The following IL1RAPL1 variants were observed in gnomAD, a reference collection of about 807,000 sequenced individuals.
The protein encoded by IL1RAPL1 is interleukin 1 receptor accessory protein like 1, also known as interleukin-1 receptor accessory protein-like 1.
IL1RAPL1 carries 3 observed loss-of-function variants against 48.4 expected under a neutral mutation model. That is an observed-to-expected ratio of 0.06 (90% CI 0.03 to 0.16). IL1RAPL1 has a LOEUF of 0.16. Ranked by LOEUF, IL1RAPL1 falls within the 10% of genes least tolerant of loss-of-function variation. The pLI, the probability that IL1RAPL1 is intolerant of heterozygous loss-of-function variation, is 1.00. For missense variants in IL1RAPL1, 349 were observed against 530.6 expected (o/e 0.66, Z 3.36); for synonymous variants, 185 against 187.7 (o/e 0.99, Z 0.12).
chrX:28,693,369 CAGA>C (rs1373275442), intron 1 of IL1RAPL1, among the ~76,000 whole-genome samples: 1 of 112,520 alleles, frequency 8.9e-6, no homozygotes, highest in Non-Finnish European at 1.9e-5. Context: ...TGCCATTCAA[CAGA>C]AGATCAACAG....
At chrX:29,891,410 A>G (rs906716205) in intron 6 of IL1RAPL1, among the ~76,000 whole-genome samples, 1 of 111,592 alleles carries the variant, frequency 9.0e-6, no homozygotes, top group Non-Finnish European at 1.9e-5. Flanking sequence ...GGTGGTCACT[A>G]TTAGTCTTCA....
intron 6 of IL1RAPL1, among the ~76,000 whole-genome samples, chrX:29,749,695 CT>C (rs941376641): frequency 4.7e-5 from 4 of 85,480 alleles, no homozygotes; most frequent in Admixed American, 4.6e-4. Flanking sequence ...GCCAGACTTT[CT>C]TTGTCAAAAA....
chrX:28,781,295 T>TA (rs1389040373), intron 1 of IL1RAPL1, among the ~76,000 whole-genome samples: 4 of 107,884 alleles, frequency 3.7e-5, no homozygotes, highest in African/African-American at 1.4e-4. Context: ...GTTTTTTTTT[T>TA]ATTTATTTTT....
At chrX:29,347,466 A>G (rs765866599) in intron 3 of IL1RAPL1, among the ~76,000 whole-genome samples, 1 of 103,127 alleles carries the variant, frequency 9.7e-6, no homozygotes, top group East Asian at 3.0e-4. Context: ...ATGGCTCACT[A>G]CAGCCTCAAC....
At chrX:29,174,130 G>T (rs73212125) in intron 2 of IL1RAPL1, among the ~76,000 whole-genome samples, 4,969 of 110,162 alleles carry the variant, frequency 0.045, 101 homozygotes, top group Middle Eastern at 0.08. Flanking sequence ...CTCCATGTTG[G>T]TCAGGCTGGT....
chrX:29,514,569 A>G (rs1302825323), intron 5 of IL1RAPL1, among the ~76,000 whole-genome samples: 1 of 111,972 alleles, frequency 8.9e-6, no homozygotes, highest in Non-Finnish European at 1.9e-5. Context: ...ATGCCTCAGC[A>G]TCCCCAGTAG....
intron 5 of IL1RAPL1, among the ~76,000 whole-genome samples, chrX:29,662,948 T>C (rs764084082): frequency 4.5e-5 from 5 of 111,937 alleles, no homozygotes; most frequent in Non-Finnish European, 7.5e-5. Flanking sequence ...GCATTAGAGA[T>C]AAGTGAAAAA....
intron 3 of IL1RAPL1, among the ~76,000 whole-genome samples, chrX:29,390,340 G>A (rs1367638987): frequency 9.0e-6 from 1 of 111,245 alleles, no homozygotes; most frequent in Non-Finnish European, 1.9e-5. Flanking sequence ...AAAATATTAT[G>A]TGCCTTCATT....
chrX:28,938,129 A>G (rs969272800), intron 2 of IL1RAPL1, among the ~76,000 whole-genome samples: 5 of 111,522 alleles, frequency 4.5e-5, no homozygotes, highest in African/African-American at 1.6e-4. Context: ...TTCCTATCAA[A>G]CTAACAATGA....
chrX:29,819,396 G>T, intron 6 of IL1RAPL1, among the ~76,000 whole-genome samples: 1 of 111,085 alleles, frequency 9.0e-6, no homozygotes, highest in Non-Finnish European at 1.9e-5. Context: ...AACTTAAAAT[G>T]TACCATGGTG....
intron 2 of IL1RAPL1, among the ~76,000 whole-genome samples, chrX:29,040,226 A>AT (rs1232027512): frequency 8.9e-6 from 1 of 112,112 alleles, no homozygotes; most frequent in East Asian, 2.8e-4. Flanking sequence ...ACCTTAAAAC[A>AT]CACCTTCTGA....
intron 5 of IL1RAPL1, among the ~76,000 whole-genome samples, chrX:29,624,100 A>C (rs1049632532): frequency 1.8e-5 from 2 of 111,922 alleles, no homozygotes; most frequent in Non-Finnish European, 3.8e-5. Context: ...TAGATTTCTT[A>C]CCTTTGCTTT....
intron 6 of IL1RAPL1, among the ~76,000 whole-genome samples, chrX:29,893,291 AAGAT>A (rs1383831411): frequency 8.9e-6 from 1 of 111,756 alleles, no homozygotes; most frequent in South Asian, 3.8e-4. Context: ...GAGATAATAA[AAGAT>A]AGGCTTCTAT....
chrX:28,755,627 T>G (rs1009042884), intron 1 of IL1RAPL1, among the ~76,000 whole-genome samples: 1 of 112,303 alleles, frequency 8.9e-6, no homozygotes, highest in African/African-American at 3.2e-5. Context: ...GTGTGTAAAT[T>G]TGATTCATTT....
At chrX:29,389,995 A>G (rs1350691001) in intron 3 of IL1RAPL1, among the ~76,000 whole-genome samples, 1 of 112,336 alleles carries the variant, frequency 8.9e-6, no homozygotes, top group Non-Finnish European at 1.9e-5. Flanking sequence ...ATAAGATATA[A>G]GAGAGGGACA....
chrX:28,905,870 C>T (rs1009491916), intron 2 of IL1RAPL1, among the ~76,000 whole-genome samples: 5 of 111,435 alleles, frequency 4.5e-5, no homozygotes. Flanking sequence ...GAAAGAAGGC[C>T]TGTAACTGAA....
chrX:29,197,140 TGTGA>T (rs778086128), intron 2 of IL1RAPL1, among the ~76,000 whole-genome samples: 85 of 111,685 alleles, frequency 7.6e-4, no homozygotes, highest in Non-Finnish European at 9.4e-4. Flanking sequence ...AATTATTCAC[TGTGA>T]GTTTTTGTTT....
chrX:29,783,819 TA>T (rs1202042056), intron 6 of IL1RAPL1, among the ~76,000 whole-genome samples: 2 of 112,483 alleles, frequency 1.8e-5, no homozygotes, highest in East Asian at 5.5e-4. Flanking sequence ...GGAATAATGC[TA>T]AAATAGAAAC....
rs1321707749 is a variant in IL1RAPL1, at chrX:28,639,237, G to T, written c.-25+51190G>T. Reference sequence around the variant, plus strand: ...TCAGTTGAGAAGAAATTTCAGAATTGTATAAAAGGCAGTGTGCTTATATAT... The same window carrying T: ...TCAGTTGAGAAGAAATTTCAGAATTTTATAAAAGGCAGTGTGCTTATATAT... On this transcript the variant is annotated intron_variant, in intron 1 of 10. Transcript: ENST00000378993. Among the ~76,000 whole-genome samples the T allele has an allele frequency of 2.7e-5, 3 of 112,031 alleles. No individual in the cohort carries two copies. The East Asian group carries it at 8.5e-4, about 32-fold the overall frequency.
Sources: allele counts gnomAD v4.1 joint callset (sites outside exome capture counted in the v4.1 genomes callset), GRCh38; gene constraint gnomAD v4.1.1; transcripts MANE v1.5; gene names NCBI Gene and HGNC (gene_info 2026-07-23, HGNC 2026-07-21).